The following EPHA5 variants were observed in gnomAD, a reference collection of about 807,000 sequenced individuals.
EPHA5 encodes the protein ephrin type-A receptor 5.
A neutral mutation model predicts 105.0 loss-of-function variants in EPHA5; 60 were observed. That is an observed-to-expected ratio of 0.57 (90% CI 0.46 to 0.71). EPHA5 has a LOEUF of 0.71. Ranked by LOEUF, EPHA5 falls within the 30% of genes least tolerant of loss-of-function variation. The probability of loss-of-function intolerance (pLI) is 0.00; values close to 1 mark genes in which losing one functional copy is unlikely to be tolerated. For synonymous variants in EPHA5, 513 were observed against 449.1 expected (o/e 1.14, Z -1.80); for missense variants, 1,218 against 1,274.7 (o/e 0.96, Z 0.68).
At chr4:65,633,986 G>A (rs1746883381) in intron 2 of EPHA5, among the ~76,000 whole-genome samples, 1 of 152,096 alleles carries the variant, frequency 6.6e-6, no homozygotes. Context: ...ATAGAGGTTA[G>A]GATGGAGGGG....
chr4:65,609,148 A>C lies in EPHA5; in HGVS notation c.247-6844T>G, dbSNP rs184097209. Among the ~76,000 whole-genome samples the C allele has an allele frequency of 3.3e-3, 507 of 152,330 alleles. 4 individuals are homozygous for C. Among genetic ancestry groups the C allele is most frequent in the Middle Eastern group, 6.8e-3 (2 of 294 alleles). On this transcript the variant is annotated intron_variant, in intron 2 of 16. Coordinates refer to ENST00000613740, the MANE Select transcript of EPHA5 (RefSeq NM_001281766.3). ...AAGAAAAATGTGGTTTTAAAAGAAT[A>C]AAACATGTAGCACAGTTTCTGTTTT... is the stretch of plus-strand genomic sequence containing the variant.
chr4:65,563,203 G>T (rs554846178), intron 3 of EPHA5, among the ~76,000 whole-genome samples: 24 of 151,854 alleles, frequency 1.6e-4, no homozygotes, highest in African/African-American at 5.6e-4. Context: ...ATCCCCATTT[G>T]GCAGACCTGT....
intron 8 of EPHA5, among the ~76,000 whole-genome samples, chr4:65,386,112 T>C (rs1352749623): frequency 2.0e-5 from 3 of 151,854 alleles, no homozygotes; most frequent in Non-Finnish European, 4.4e-5. Flanking sequence ...AAATAAACAT[T>C]ACTAAAACAC....
At chr4:65,462,030 A>G (rs1728175422) in intron 5 of EPHA5, among the ~76,000 whole-genome samples, 1 of 152,142 alleles carries the variant, frequency 6.6e-6, no homozygotes, top group South Asian at 2.1e-4. Context: ...GATAGTAGAC[A>G]GATTGATAGG....
Position 65,522,316 on chromosome 4 carries a change from G to GTATATATATATATATATATATATACA in EPHA5, c.911-26774_911-26773insTGTATATATATATATATATATATATA, listed in dbSNP as rs58851174. On this transcript the variant is annotated intron_variant, in intron 3 of 16. Transcript: ENST00000613740. ...GAAATATGTGTGTGTATATATATAT[G>GTATATATATATATATATATATATACA]TATATATATATATATATAAAATCAA... 6.9e-4 allele frequency among the ~76,000 whole-genome samples: 99 copies of GTATATATATATATATATATATATACA among 142,868 alleles called. 1 individual carries two copies. Among genetic ancestry groups the GTATATATATATATATATATATATACA allele is most frequent in the African/African-American group, 2.4e-3 (91 of 37,366 alleles). 93.7% of individuals were successfully genotyped at this position (142,868 alleles called of 152,430 possible).
At chr4:65,540,856 T>C (rs1736755766) in intron 3 of EPHA5, among the ~76,000 whole-genome samples, 1 of 112,648 alleles carries the variant, frequency 8.9e-6, no homozygotes, top group Admixed American at 1.0e-4. Flanking sequence ...CACATAGCAG[T>C]CAATTTTATA....
intron 3 of EPHA5, among the ~76,000 whole-genome samples, chr4:65,562,237 C>A (rs955570828): frequency 5.3e-5 from 8 of 152,018 alleles, no homozygotes; most frequent in African/African-American, 1.7e-4. Context: ...TAATATGAAT[C>A]AGTTATAAAT....
chr4:65,328,879 T>C (rs982928828), intron 16 of EPHA5, among the ~76,000 whole-genome samples: 1 of 151,114 alleles, frequency 6.6e-6, no homozygotes, highest in Non-Finnish European at 1.5e-5. Flanking sequence ...TAAATCTATT[T>C]CAATTAATCT....
chr4:65,575,486 C>G (rs1740803730), intron 3 of EPHA5, among the ~76,000 whole-genome samples: 1 of 152,202 alleles, frequency 6.6e-6, no homozygotes. Context: ...TGCTAACACT[C>G]TGCAAAGAGA....
intron 2 of EPHA5, among the ~76,000 whole-genome samples, chr4:65,629,879 T>C (rs995892999): frequency 6.6e-6 from 1 of 152,168 alleles, no homozygotes; most frequent in Non-Finnish European, 1.5e-5. Flanking sequence ...ATTTGGAATA[T>C]TTCCAGTCAA....
chr4:65,390,215 T>A (rs1341653594), intron 8 of EPHA5, among the ~76,000 whole-genome samples: 1 of 151,954 alleles, frequency 6.6e-6, no homozygotes, highest in Admixed American at 6.6e-5. Context: ...AACTAACCAA[T>A]CTGGAGCAAT....
chr4:65,619,516 G>T (rs1412973614), intron 2 of EPHA5, among the ~76,000 whole-genome samples: 2 of 152,016 alleles, frequency 1.3e-5, no homozygotes, highest in East Asian at 1.9e-4. Context: ...TACAAAACCT[G>T]TATATTGACA....
chr4:65,365,866 C>CACTG lies in EPHA5; in HGVS notation c.1987+62_1987+65dup, dbSNP rs1717857096. ...AAAAACATTCTCTGTTACATCAGGA[C>CACTG]ACTGGTATATTACATTCTGGAATGC... On this transcript the variant is annotated intron_variant, in intron 10 of 16. Coordinates refer to ENST00000613740, the MANE Select transcript of EPHA5 (RefSeq NM_001281766.3). The CACTG allele has an allele frequency of 2.7e-6, 4 of 1,499,458 alleles. No homozygotes were observed. In the African/African-American group the frequency reaches 5.5e-5, roughly 21 times the overall value. The allele number at this position is 1,499,458 out of a possible 1,614,324, so 92.9% of individuals were successfully genotyped here. A position where few individuals can be genotyped will look rare whatever the true frequency, so the allele number is the denominator to read the frequency against.
intron 5 of EPHA5, among the ~76,000 whole-genome samples, chr4:65,422,583 G>A (rs919711355): frequency 6.6e-6 from 1 of 151,978 alleles, no homozygotes; most frequent in African/African-American, 2.4e-5. Flanking sequence ...AAAGTACCAA[G>A]GAAATCAAGT....
At chr4:65,417,881 T>A (rs952708840) in intron 6 of EPHA5, among the ~76,000 whole-genome samples, 10 of 152,052 alleles carry the variant, frequency 6.6e-5, no homozygotes, top group Admixed American at 5.9e-4. Context: ...ATTATATACA[T>A]AATGAAACTA....
intron 11 of EPHA5, among the ~76,000 whole-genome samples, chr4:65,354,860 CACTT>C (rs1359585783): frequency 2.0e-5 from 3 of 151,770 alleles, no homozygotes; most frequent in African/African-American, 7.2e-5. Flanking sequence ...GTCTAATTCT[CACTT>C]AATTATCTTC....
intron 3 of EPHA5, among the ~76,000 whole-genome samples, chr4:65,513,348 T>C (rs1261541780): frequency 3.3e-5 from 5 of 152,236 alleles, no homozygotes; most frequent in Admixed American, 3.3e-4. Context: ...TCATATTTTA[T>C]AGTGTAGTAT....
chr4:65,567,692 C>A (rs1245680106), intron 3 of EPHA5, among the ~76,000 whole-genome samples: 3 of 151,534 alleles, frequency 2.0e-5, no homozygotes, highest in Non-Finnish European at 4.4e-5. Context: ...GCACTAAATA[C>A]AGAATATGAC....
intron 2 of EPHA5, among the ~76,000 whole-genome samples, chr4:65,639,552 G>A (rs1468942402): frequency 1.3e-5 from 2 of 152,158 alleles, no homozygotes; most frequent in Non-Finnish European, 1.5e-5. Flanking sequence ...TAACTATGAT[G>A]TGTCTAGCTG....
Sources: allele counts gnomAD v4.1 joint callset (sites outside exome capture counted in the v4.1 genomes callset), GRCh38; gene constraint gnomAD v4.1.1; transcripts MANE v1.5; gene names NCBI Gene and HGNC (gene_info 2026-07-23, HGNC 2026-07-21).